NRXN1: variants seen among roughly 807,000 people sequenced by gnomAD.
NRXN1 encodes the protein neurexin 1, also known as neurexin-1.
A neutral mutation model predicts 150.9 loss-of-function variants in NRXN1; 39 were observed. That is an observed-to-expected ratio of 0.26 (90% confidence interval 0.20 to 0.34). The LOEUF (loss-of-function observed/expected upper bound fraction) is 0.34, where lower values mean the gene tolerates loss of function less well. Ranked by LOEUF, NRXN1 falls within the 10% of genes least tolerant of loss-of-function variation. The pLI is 1.00. For synonymous variants in NRXN1, 924 were observed against 757.0 expected, an observed-to-expected ratio of 1.22 and a Z score of -3.62; for missense variants, 1,815 against 1,949.9, an observed-to-expected ratio of 0.93 and a Z score of 1.30.
chr2:50,271,445 G>C (rs776114456), intron 17 of NRXN1, among the ~76,000 whole-genome samples: 31 of 152,270 alleles, frequency 2.0e-4, no homozygotes, highest in Non-Finnish European at 3.5e-4. Context: ...TTGGTGCAGT[G>C]CAACTAAGAG....
At chr2:50,706,360 T>C (rs755606324) in intron 5 of NRXN1, among the ~76,000 whole-genome samples, 4 of 152,190 alleles carry the variant, frequency 2.6e-5, no homozygotes, top group Non-Finnish European at 5.9e-5. Flanking sequence ...ACGCATGAGA[T>C]ACATTCTAGT....
intron 2 of NRXN1, among the ~76,000 whole-genome samples, chr2:50,984,619 A>C (rs1210158684): frequency 1.3e-5 from 2 of 152,096 alleles, no homozygotes; most frequent in Non-Finnish European, 2.9e-5. Flanking sequence ...ATATTTCCAA[A>C]ATACTTAAAA....
intron 9 of NRXN1, chr2:50,551,136 GA>G (rs1281470679): frequency 1.3e-5 from 2 of 149,908 alleles, no homozygotes; most frequent in South Asian, 2.1e-4. Flanking sequence ...GGGGGAGGAA[GA>G]AAAAATGGTA....
intron 5 of NRXN1, among the ~76,000 whole-genome samples, chr2:50,753,603 C>A (rs557670213): frequency 2.3e-4 from 35 of 151,906 alleles, no homozygotes; most frequent in African/African-American, 8.4e-4. Context: ...ATATTTTGAC[C>A]ATTTCTAGTT....
rs190602397 is a variant in NRXN1 at position 50,552,479 on chromosome 2, A to G, written c.1759+108T>C. The G allele has an allele frequency of 2.2e-3, 1,794 of 802,128 alleles. 11 individuals are homozygous for G. The highest frequency in any genetic ancestry group is 2.1e-3 in the Non-Finnish European group (1,007 of 485,762). The allele number at this position is 802,128 out of a possible 1,614,324, so 49.7% of individuals were successfully genotyped here. Reference sequence around the variant, plus strand: ...TCAGGCAATTTCTTTTAGGCTAAAGAAACAAATGCAGGAAGTCTTTAATAT... The same window carrying G: ...TCAGGCAATTTCTTTTAGGCTAAAGGAACAAATGCAGGAAGTCTTTAATAT... On this transcript the variant is annotated intron_variant, in intron 9 of 22. Coordinates refer to ENST00000401669, the MANE Select transcript of NRXN1 (RefSeq NM_001330078.2).
chr2:50,373,148 T>C (rs2153021224), intron 17 of NRXN1, among the ~76,000 whole-genome samples: 1 of 152,000 alleles, frequency 6.6e-6, no homozygotes, highest in Non-Finnish European at 1.5e-5. Context: ...TATGATCTCA[T>C]TCTCCTCTAT....
intron 17 of NRXN1, among the ~76,000 whole-genome samples, chr2:50,426,877 C>T (rs997520126): frequency 2.6e-5 from 4 of 152,126 alleles, no homozygotes; most frequent in Non-Finnish European, 4.4e-5. Flanking sequence ...TCTTTAAATT[C>T]ACAGCCTTTC....
Position 49,928,599 on chromosome 2 carries a change from T to C in NRXN1, c.4217-6348A>G, listed in dbSNP as rs111572679. Reference sequence around the variant, plus strand: ...TCCTGGGGTGTTTGTGAATTGAGATTAGCACACTTTTTTCCCCCATTTGAA... The same window carrying C: ...TCCTGGGGTGTTTGTGAATTGAGATCAGCACACTTTTTTCCCCCATTTGAA... On this transcript the variant is annotated intron_variant, in intron 22 of 22. Coordinates refer to ENST00000401669, the MANE Select transcript of NRXN1 (RefSeq NM_001330078.2). 1.2e-3 allele frequency among the ~76,000 whole-genome samples: 189 copies of C among 152,228 alleles called. 1 individual carries two copies. Among genetic ancestry groups the C allele is most frequent in the Non-Finnish European group, 2.2e-3 (153 of 68,008 alleles).
Position 50,930,429 on chromosome 2 carries a change from A to G in NRXN1, c.773-4474T>C, listed in dbSNP as rs1167975514. Among the ~76,000 whole-genome samples, 4 of 152,136 alleles carry G rather than the reference A, an allele frequency of 2.6e-5. No homozygotes were observed. The South Asian group carries it at 6.2e-4, about 24-fold the overall frequency. On this transcript the variant is annotated intron_variant, in intron 2 of 22. Transcript: ENST00000401669. ...GGAGGAAGGAAAAGCAAGAAAGCCT[A>G]AAGTTATTGCGATTTATAGTGATTA...
At chr2:50,770,471 T>G (rs1428714562) in intron 5 of NRXN1, among the ~76,000 whole-genome samples, 1 of 152,000 alleles carries the variant, frequency 6.6e-6, no homozygotes, top group Non-Finnish European at 1.5e-5. Flanking sequence ...TACATTGGAC[T>G]AAGGTGCGTC....
At chr2:50,116,791 G>T (rs115711980) in intron 18 of NRXN1, among the ~76,000 whole-genome samples, 1,749 of 152,186 alleles carry the variant, frequency 0.011, 18 homozygotes, top group Non-Finnish European at 0.019. Context: ...CTTGCACTAT[G>T]AATGACGTAA....
chr2:50,434,564 TA>T (rs2085268125), intron 17 of NRXN1, among the ~76,000 whole-genome samples: 1 of 152,184 alleles, frequency 6.6e-6, no homozygotes, highest in Non-Finnish European at 1.5e-5. Flanking sequence ...GGCAGTTTCC[TA>T]CAAGCTGGAC....
At chr2:50,175,840 TA>T (rs2060321730) in intron 18 of NRXN1, among the ~76,000 whole-genome samples, 1 of 152,184 alleles carries the variant, frequency 6.6e-6, no homozygotes, top group Non-Finnish European at 1.5e-5. Flanking sequence ...CCTTTCACTT[TA>T]CTTCTGATTT....
intron 17 of NRXN1, among the ~76,000 whole-genome samples, chr2:50,250,948 G>T (rs2681994): frequency 2.0e-5 from 3 of 148,570 alleles, no homozygotes; most frequent in Non-Finnish European, 4.5e-5. Flanking sequence ...ATTACATATG[G>T]CATATGTAAT....
chr2:50,879,148 C>G (rs576399826), intron 5 of NRXN1, among the ~76,000 whole-genome samples: 1 of 151,788 alleles, frequency 6.6e-6, no homozygotes, highest in Admixed American at 6.6e-5. Flanking sequence ...ACCTTGAGAC[C>G]GAAGACAGGT....
intron 18 of NRXN1, among the ~76,000 whole-genome samples, chr2:50,170,009 T>A (rs1419541040): frequency 6.6e-6 from 1 of 152,006 alleles, no homozygotes; most frequent in Non-Finnish European, 1.5e-5. Flanking sequence ...TTTCTGATCA[T>A]GACCCACAGA....
chr2:50,146,744 C>G (rs1708066415), intron 18 of NRXN1, among the ~76,000 whole-genome samples: 1 of 151,518 alleles, frequency 6.6e-6, no homozygotes, highest in Non-Finnish European at 1.5e-5. Context: ...GCCAAGTTTT[C>G]TTTGAATAAT....
intron 14 of NRXN1, 129 bp downstream of exon 14, chr2:50,497,203 TA>T (rs1355844426): frequency 1.8e-6 from 1 of 560,266 alleles, no homozygotes; most frequent in Non-Finnish European, 2.8e-6. Context: ...AATGCCTTCT[TA>T]TTTGTCCTCC....
intron 18 of NRXN1, among the ~76,000 whole-genome samples, chr2:50,217,486 G>C (rs889370573): frequency 6.6e-6 from 1 of 151,892 alleles, no homozygotes; most frequent in Non-Finnish European, 1.5e-5. Flanking sequence ...TATCTGGCTG[G>C]ATCTATAATT....
Sources: allele counts gnomAD v4.1 joint callset (sites outside exome capture counted in the v4.1 genomes callset), GRCh38; gene constraint gnomAD v4.1.1; transcripts MANE v1.5; gene names NCBI Gene and HGNC (gene_info 2026-07-23, HGNC 2026-07-21).